Variants in CRADD observed in about 807,000 individuals in gnomAD.
CRADD encodes CARD and death domain containing adaptor protein.
In CRADD, 9 loss-of-function variants were observed where a neutral mutation model predicts 15.5. That is an observed-to-expected ratio of 0.58 (90% CI 0.35 to 1.01). The LOEUF (loss-of-function observed/expected upper bound fraction) is 1.01. CRADD is among the 50% of genes least tolerant of loss of function. The pLI is 0.02. For synonymous variants in CRADD, 118 were observed against 107.6 expected, an observed-to-expected ratio of 1.10 and a Z score of -0.60; for missense variants, 227 against 250.3, an observed-to-expected ratio of 0.91 and a Z score of 0.63.
chr12:93,880,427 A>G (rs1194724090), intron 2 of CRADD, among the ~76,000 whole-genome samples: 3 of 152,164 alleles, frequency 2.0e-5, no homozygotes, highest in Non-Finnish European at 4.4e-5. Context: ...TGGAGTTTCT[A>G]TGGAGATTGG....
chr12:93,811,639 A>G (rs1957627717), intron 2 of CRADD, among the ~76,000 whole-genome samples: 1 of 152,234 alleles, frequency 6.6e-6, no homozygotes, highest in Non-Finnish European at 1.5e-5. Flanking sequence ...TCTGAGTAAC[A>G]GGTGGTAAAA....
chr12:93,892,398 C>T (rs1211128613), intron 2 of CRADD, among the ~76,000 whole-genome samples: 1 of 152,252 alleles, frequency 6.6e-6, no homozygotes, highest in Non-Finnish European at 1.5e-5. Context: ...CCCCACTGAT[C>T]TCACCCCGAT....
At chr12:93,781,811 A>G (rs982526097) in intron 2 of CRADD, among the ~76,000 whole-genome samples, 4 of 152,254 alleles carry the variant, frequency 2.6e-5, no homozygotes, top group African/African-American at 4.8e-5. Context: ...GCCTGAATGT[A>G]GGAAGTTCTA....
chr12:93,693,536 A>G lies in CRADD; in HGVS notation c.298+14464A>G, dbSNP rs182024405. 1.1e-3 allele frequency among the ~76,000 whole-genome samples: 165 copies of G among 152,226 alleles called. 4 individuals are homozygous for G. In the Middle Eastern group the frequency reaches 0.034, roughly 31 times the overall value. ...TAATAATAAGGGGGTCAATTCATTAAGAAGGTATAATAGCCATAAATATAT... is the reference window on the plus strand; with the variant it reads ...TAATAATAAGGGGGTCAATTCATTAGGAAGGTATAATAGCCATAAATATAT... On this transcript the variant is annotated intron_variant, in intron 2 of 2. Transcript: ENST00000332896.
chr12:93,849,108 C>T (rs751558517), intron 2 of CRADD: 9 of 152,262 alleles, frequency 5.9e-5, no homozygotes, highest in Non-Finnish European at 1.0e-4. Context: ...ATTTCAAGTT[C>T]AACCTCATCG....
At chr12:93,726,094 G>GTTTTTTTTTTTTTTTTTTTTT (rs1165429350) in intron 2 of CRADD, among the ~76,000 whole-genome samples, 8 of 96,010 alleles carry the variant, frequency 8.3e-5, no homozygotes, top group Non-Finnish European at 8.1e-5. Context: ...AAATAGTTTA[G>GTTTTTTTTTTTTTTTTTTTTT]TTTTTTTTTT....
intron 2 of CRADD, among the ~76,000 whole-genome samples, chr12:93,797,306 T>A (rs1957429665): frequency 6.6e-6 from 1 of 152,172 alleles, no homozygotes; most frequent in African/African-American, 2.4e-5. Flanking sequence ...AGGGTCTTGA[T>A]GCACCTGTTC....
At chr12:93,881,942 C>T (rs1958505004) in intron 2 of CRADD, among the ~76,000 whole-genome samples, 1 of 151,228 alleles carries the variant, frequency 6.6e-6, no homozygotes, top group Admixed American at 6.6e-5. Context: ...ACCTGACCAG[C>T]CTGGTGAAAC....
intron 2 of CRADD, among the ~76,000 whole-genome samples, chr12:93,739,902 C>T (rs1274748437): frequency 6.6e-6 from 1 of 152,156 alleles, no homozygotes; most frequent in Non-Finnish European, 1.5e-5. Flanking sequence ...CATTTTCCTC[C>T]TCATTACCAA....
intron 2 of CRADD, among the ~76,000 whole-genome samples, chr12:93,763,363 C>T (rs1002471550): frequency 4.8e-5 from 6 of 125,660 alleles, no homozygotes; most frequent in Non-Finnish European, 1.1e-4. Context: ...AAACTAACTT[C>T]CTCTCTATTA....
At chr12:93,800,831 C>T (rs898635925) in intron 2 of CRADD, among the ~76,000 whole-genome samples, 14 of 152,190 alleles carry the variant, frequency 9.2e-5, no homozygotes, top group African/African-American at 3.4e-4. Flanking sequence ...ACAGACACAT[C>T]CGAAAATAAT....
intron 2 of CRADD, among the ~76,000 whole-genome samples, chr12:93,692,595 A>G (rs556835059): frequency 6.6e-6 from 1 of 152,340 alleles, no homozygotes; most frequent in East Asian, 1.9e-4. Flanking sequence ...TGATGGAAAA[A>G]AAAAATTGCT....
At chr12:93,762,078 A>G (rs1956972145) in intron 2 of CRADD, among the ~76,000 whole-genome samples, 1 of 152,256 alleles carries the variant, frequency 6.6e-6, no homozygotes, top group Non-Finnish European at 1.5e-5. Flanking sequence ...CAATAAGCTT[A>G]AAATAAATTT....
intron 2 of CRADD, among the ~76,000 whole-genome samples, chr12:93,720,168 T>G (rs1956233284): frequency 6.6e-6 from 1 of 152,194 alleles, no homozygotes; most frequent in East Asian, 1.9e-4. Context: ...TAAATTATCT[T>G]GAGAATTCTC....
At chr12:93,728,107 G>A (rs763276256) in intron 2 of CRADD, among the ~76,000 whole-genome samples, 7 of 152,098 alleles carry the variant, frequency 4.6e-5, no homozygotes, top group African/African-American at 1.2e-4. Flanking sequence ...TACATATTAC[G>A]TGTTCAATAC....
At chr12:93,709,115 T>A (rs1355538111) in intron 2 of CRADD, 2 of 152,234 alleles carry the variant, frequency 1.3e-5, no homozygotes, top group African/African-American at 4.8e-5. Context: ...AAGCAGAAAG[T>A]TACATAATAT....
chr12:93,795,018 T>C (rs1957398890), intron 2 of CRADD, among the ~76,000 whole-genome samples: 1 of 152,194 alleles, frequency 6.6e-6, no homozygotes, highest in African/African-American at 2.4e-5. Context: ...AAAGTATTCA[T>C]ATAACCCCAG....
At chr12:93,808,915 C>CT (rs1197203408) in intron 2 of CRADD, among the ~76,000 whole-genome samples, 1 of 152,078 alleles carries the variant, frequency 6.6e-6, no homozygotes, top group African/African-American at 2.4e-5. Context: ...AATTTGACTT[C>CT]TTTTTTTCTT....
chr12:93,848,787 C>T (rs190992834), intron 2 of CRADD: 1 of 152,320 alleles, frequency 6.6e-6, no homozygotes, highest in East Asian at 1.9e-4. Flanking sequence ...TAACCAAAGG[C>T]ACTGCTCACT....
Sources: allele counts gnomAD v4.1 joint callset (sites outside exome capture counted in the v4.1 genomes callset), GRCh38; gene constraint gnomAD v4.1.1; transcripts MANE v1.5; gene names NCBI Gene and HGNC (gene_info 2026-07-23, HGNC 2026-07-21).